WDR86: variants seen among roughly 807,000 people sequenced by gnomAD.
WDR86 encodes WD repeat-containing protein 86.
A neutral mutation model predicts 36.5 loss-of-function variants in WDR86; 30 were observed. The observed-to-expected ratio is 0.82, with a 90% CI of 0.61 to 1.11. The LOEUF is 1.11. Ranked by LOEUF, WDR86 falls within the 50% of genes most tolerant of loss-of-function variation. The pLI is 0.00. For synonymous variants in WDR86, 255 were observed against 252.9 expected (o/e 1.01, Z -0.08); for missense variants, 545 against 561.2 (o/e 0.97, Z 0.29).
chr7:151,376,946 T>C (rs936773504), downstream of WDR86: 34 of 1,397,854 alleles, frequency 2.4e-5, no homozygotes, highest in African/African-American at 4.6e-4. Context: ...ACCTGGACAG[T>C]GTGGCCAGCA....
Position 151,410,004 on chromosome 7 carries a change from C to T in WDR86, c.-415G>A. On this transcript the variant is annotated 5_prime_UTR_variant, in exon 1 of 6. Transcript: ENST00000334493. ...GAGGAACACGGGAAGCCGAGCGCCC[C>T]GCGCCCTCCCCGGCCGAGCGCGGAA... is the stretch of plus-strand genomic sequence containing the variant. 2.0e-6 allele frequency: 2 copies of T among 998,954 alleles called. No homozygotes were observed. The highest frequency in any genetic ancestry group is 2.4e-6 in the Non-Finnish European group (2 of 839,306). 61.9% of individuals were successfully genotyped at this position (998,954 alleles called of 1,614,324 possible).
At chr7:151,400,342 G>T in intron 1 of WDR86, 101 bp from the exon 2 acceptor site, 1 of 1,300,850 alleles carries the variant, frequency 7.7e-7, no homozygotes, top group Non-Finnish European at 1.0e-6. Flanking sequence ...CAGGATGTAG[G>T]GAGTGTTTGA....
chr7:151,395,820 G>A lies in WDR86; in HGVS notation c.682C>T (p.Leu228=). ...CCCCGGTGCTCCCGGAACACCCGCA[G>A]CTGCTCCCCACTCAGGATGTCCCAG... The part of the protein sequence containing the change: ...RAWDILSGEQ[L]RVFREHRGSV... Residue 228 remains leucine, a synonymous_variant, in exon 3 of 6, where the codon CTG becomes TTG. Transcript: ENST00000334493. 1 of 1,575,986 alleles carries A rather than the reference G, an allele frequency of 6.3e-7. No homozygotes were observed. The highest frequency in any genetic ancestry group is 8.6e-7 in the Non-Finnish European group (1 of 1,162,968).
At chr7:151,403,505 CTGAGTT>C (rs1800482632) in intron 1 of WDR86, among the ~76,000 whole-genome samples, 1 of 152,190 alleles carries the variant, frequency 6.6e-6, no homozygotes, top group African/African-American at 2.4e-5. Context: ...CCCCGACCCC[CTGAGTT>C]TAAGTTCAGT....
At chr7:151,387,394 C>T (rs540126305) in intron 3 of WDR86, among the ~76,000 whole-genome samples, 1 of 152,288 alleles carries the variant, frequency 6.6e-6, no homozygotes, top group Admixed American at 6.5e-5. Context: ...CGAACATGAG[C>T]CAGAGCCACA....
chr7:151,403,402 G>T (rs1800475281), intron 1 of WDR86, among the ~76,000 whole-genome samples: 1 of 152,174 alleles, frequency 6.6e-6, no homozygotes, highest in African/African-American at 2.4e-5. Flanking sequence ...AATTTTGATA[G>T]AATTTTAAAA....
chr7:151,394,924 C>T (rs1164595208), intron 3 of WDR86, among the ~76,000 whole-genome samples: 6 of 152,226 alleles, frequency 3.9e-5, no homozygotes, highest in Non-Finnish European at 5.9e-5. Context: ...CAGGCGTTTT[C>T]GTGCCAAGCT....
intron 1 of WDR86, among the ~76,000 whole-genome samples, chr7:151,407,933 G>T (rs1241202279): frequency 1.3e-5 from 2 of 152,128 alleles, no homozygotes; most frequent in Non-Finnish European, 2.9e-5. Flanking sequence ...CTGCATTTCT[G>T]AAACACCACC....
At position 151,387,934 on chromosome 7, in the gene WDR86, G is replaced by A. The variant is rs144670067; in HGVS notation, c.727-2711C>T. ...AAGCTTCCACTGTCTCATGTGCAAC[G>A]TGAGAAACAAGGACCTCCTGCTAAG... On this transcript the variant is annotated intron_variant, in intron 3 of 5. Coordinates refer to ENST00000334493, the MANE Select transcript of WDR86 (RefSeq NM_198285.3). Among the ~76,000 whole-genome samples, 1,198 of 152,352 alleles carry A rather than the reference G, an allele frequency of 7.9e-3. 15 individuals carry two copies. Among genetic ancestry groups the A allele is most frequent in the African/African-American group, 0.027 (1,142 of 41,576 alleles).
At chr7:151,393,344 C>T (rs552692608) in intron 3 of WDR86, among the ~76,000 whole-genome samples, 1 of 152,274 alleles carries the variant, frequency 6.6e-6, no homozygotes, top group South Asian at 2.1e-4. Context: ...GCACTCTCTC[C>T]TTTAGCCTTC....
downstream of WDR86, chr7:151,376,309 C>G: frequency 2.1e-6 from 1 of 478,302 alleles, no homozygotes; most frequent in South Asian, 2.5e-5. Context: ...CATTTGTGCC[C>G]CTACACGCGT....
At chr7:151,391,297 C>T (rs1474311238) in intron 3 of WDR86, among the ~76,000 whole-genome samples, 1 of 152,254 alleles carries the variant, frequency 6.6e-6, no homozygotes, top group Non-Finnish European at 1.5e-5. Flanking sequence ...GCCCTGGCTC[C>T]CTGCCCCTGA....
chr7:151,408,900 T>G (rs755405943), intron 1 of WDR86: 2 of 471,054 alleles, frequency 4.2e-6, no homozygotes, highest in Non-Finnish European at 8.8e-6. Flanking sequence ...ACTCCCAGCC[T>G]GTTTCCACGT....
At chr7:151,394,798 G>A (rs1799688940) in intron 3 of WDR86, among the ~76,000 whole-genome samples, 1 of 152,206 alleles carries the variant, frequency 6.6e-6, no homozygotes, top group Non-Finnish European at 1.5e-5. Context: ...TGCGTTCGAG[G>A]ATTTTCTGGC....
Position 151,397,725 on chromosome 7 carries a change from AAG to A in WDR86, c.306-1531_306-1530del, listed in dbSNP as rs761104552. Among the ~76,000 whole-genome samples the A allele has an allele frequency of 1.8e-3, 150 of 83,208 alleles. 1 individual carries two copies. The highest frequency in any genetic ancestry group is 5.3e-3 in the African/African-American group (85 of 16,004). The allele number at this position is 83,208 out of a possible 152,430, so 54.6% of individuals were successfully genotyped here. ...GTGGGAGGAAGGGCATAGCGGGAGG[AAG>A]AGGGTGTAGCGGGAGGAAGAGGGTG... On this transcript the variant is annotated intron_variant, in intron 2 of 5. Transcript: ENST00000334493.
At chr7:151,369,199 G>C in the WDR86 span, 1 of 177,022 alleles carries the variant, frequency 5.6e-6, no homozygotes, top group African/African-American at 2.4e-5. Context: ...GTAAAGATGG[G>C]GTTTCACCAT....
Position 151,381,766 on chromosome 7 carries a change from CGTCA to C in WDR86, c.967-24_967-21del. On this transcript the variant is annotated intron_variant, in intron 5 of 5. Coordinates refer to ENST00000334493, the MANE Select transcript of WDR86 (RefSeq NM_198285.3). This position sits in a 1 kb window ranked among gnomAD's most constrained non-coding sequence, Gnocchi z 4.8. ...GTGCACCTGCGGGCGCAGGGGCGGG[CGTCA>C]CCGGTGACGCGGTAGGCGGGGGGGA... The C allele has an allele frequency of 7.2e-7, 1 of 1,392,398 alleles. No individual in the cohort carries two copies. The highest frequency in any genetic ancestry group is 9.6e-7 in the Non-Finnish European group (1 of 1,043,604). The allele number at this position is 1,392,398 out of a possible 1,614,324, so 86.3% of individuals were successfully genotyped here. A position where few individuals can be genotyped will look rare whatever the true frequency, so the allele number is the denominator to read the frequency against.
chr7:151,408,273 T>G (rs369730859), intron 1 of WDR86, among the ~76,000 whole-genome samples: 1 of 150,304 alleles, frequency 6.7e-6, no homozygotes, highest in East Asian at 2.0e-4. Flanking sequence ...CTTGGCTCAC[T>G]GCAACCTCTG....
Position 151,409,540 on chromosome 7 carries a change from C to T in WDR86, c.50G>A (p.Gly17Asp), listed in dbSNP as rs1309629370. ...GGGGCTCAGGCTCAGCCAGTTGATG[C>T]CCCCGCGGTGGTCGGCGCAGACCCT... ...ALRVCADHRG[G>D]INWLSLSPDG... The change falls in exon 1 of 6, where the codon GGC becomes GAC. Residue 17 changes from glycine to aspartate, a missense_variant. Coordinates refer to ENST00000334493, the MANE Select transcript of WDR86 (RefSeq NM_198285.3). This position sits in a 1 kb window ranked among gnomAD's most constrained non-coding sequence, Gnocchi z 5.2. The T allele has an allele frequency of 1.3e-6, 2 of 1,520,938 alleles. No individual in the cohort carries two copies. Among genetic ancestry groups the T allele is most frequent in the East Asian group, 2.5e-5 (1 of 40,438 alleles). The allele number at this position is 1,520,938 out of a possible 1,614,324, so 94.2% of individuals were successfully genotyped here.
Sources: gnomAD v4.1 joint callset for allele counts (sites outside exome capture counted in the v4.1 genomes callset) on GRCh38, gnomAD v4.1.1 for gene constraint, Gnocchi (gnomAD v3.1) non-coding constraint, MANE v1.5 for transcripts, NCBI Gene and HGNC (gene_info 2026-07-23, HGNC 2026-07-21) for gene names.